ZMYM2: variants seen among roughly 807,000 people sequenced by gnomAD.
The protein encoded by ZMYM2 is zinc finger MYM-type containing 2, also known as zinc finger MYM-type protein 2.
In ZMYM2, 56 loss-of-function variants were observed where a neutral mutation model predicts 162.8. That is an observed-to-expected ratio of 0.34 (90% confidence interval 0.28 to 0.43). The LOEUF (loss-of-function observed/expected upper bound fraction) is 0.43. Ranked by LOEUF, ZMYM2 falls within the 20% of genes least tolerant of loss-of-function variation. ZMYM2 has a pLI of 1.00. For synonymous variants in ZMYM2, 510 were observed against 541.6 expected, an observed-to-expected ratio of 0.94 and a Z score of 0.81; for missense variants, 1,275 against 1,621.8, an observed-to-expected ratio of 0.79 and a Z score of 3.67.
intron 6 of ZMYM2, among the ~76,000 whole-genome samples, chr13:20,015,417 G>A (rs937747775): frequency 2.6e-5 from 4 of 152,140 alleles, no homozygotes; most frequent in African/African-American, 9.7e-5. Flanking sequence ...TGAGAAGAAT[G>A]TTTATTCTAC....
At chr13:19,946,405 A>G in the ZMYM2 span, among the ~76,000 whole-genome samples, 2 of 152,120 alleles carry the variant, frequency 1.3e-5, no homozygotes, top group South Asian at 2.1e-4. Context: ...GAGAAGTTTA[A>G]TTCTTGATTT....
At chr13:20,064,719 A>G (rs555403868) in intron 19 of ZMYM2, among the ~76,000 whole-genome samples, 174 bp downstream of exon 19, 1 of 150,818 alleles carries the variant, frequency 6.6e-6, no homozygotes, top group African/African-American at 2.4e-5. Flanking sequence ...ATTTATTACT[A>G]TTATTTATTA....
At chr13:19,907,946 C>T in the ZMYM2 span, among the ~76,000 whole-genome samples, 1 of 152,040 alleles carries the variant, frequency 6.6e-6, no homozygotes, top group African/African-American at 2.4e-5. Context: ...TCTTTCTTCA[C>T]ACTTGATTTG....
At chr13:20,014,882 C>T (rs141518669) in intron 6 of ZMYM2, among the ~76,000 whole-genome samples, 2,706 of 150,650 alleles carry the variant, frequency 0.018, 39 homozygotes, top group Middle Eastern at 0.051. Context: ...ATCCTGCATC[C>T]GCCTCCTGAG....
chr13:19,960,033 C>T lies in ZMYM2; in HGVS notation c.-11+7C>T, dbSNP rs572883121. 1 of 152,428 alleles carries T rather than the reference C, an allele frequency of 6.6e-6. No homozygotes were observed. The highest frequency in any genetic ancestry group is 6.5e-5 in the Admixed American group (1 of 15,302). The allele number at this position is 152,428 out of a possible 1,614,324, so 9.4% of individuals were successfully genotyped here. A position where few individuals can be genotyped will look rare whatever the true frequency, so the allele number is the denominator to read the frequency against. ...GGAGGAAAACACCCCCATTGTGAGTCCTTTGCCCCTAATTTGTTGCTAATA... is the reference window on the plus strand; with the variant it reads ...GGAGGAAAACACCCCCATTGTGAGTTCTTTGCCCCTAATTTGTTGCTAATA... On this transcript the variant is annotated splice_region_variant and intron_variant, in intron 2 of 24. Transcript: ENST00000610343.
intron 4 of ZMYM2, among the ~76,000 whole-genome samples, chr13:20,004,518 G>A (rs977406884): frequency 2.0e-5 from 3 of 152,198 alleles, no homozygotes; most frequent in African/African-American, 7.2e-5. Flanking sequence ...GCCTCCCAAA[G>A]TGCTGGGATT....
At chr13:19,967,427 A>G (rs566699863) in intron 2 of ZMYM2, among the ~76,000 whole-genome samples, 2 of 152,324 alleles carry the variant, frequency 1.3e-5, no homozygotes, top group East Asian at 1.9e-4. Flanking sequence ...GTAGCATGAC[A>G]TGAGTTGGAG....
the ZMYM2 span, among the ~76,000 whole-genome samples, chr13:19,906,297 T>TATATATATATAC: frequency 8.9e-5 from 9 of 100,714 alleles, no homozygotes; most frequent in African/African-American, 3.4e-4. Context: ...TATATATATA[T>TATATATATATAC]ATATATATAT....
intron 11 of ZMYM2, among the ~76,000 whole-genome samples, chr13:20,035,114 G>A (rs1436978702): frequency 6.6e-6 from 1 of 152,078 alleles, no homozygotes; most frequent in African/African-American, 2.4e-5. Context: ...CAGCTTTCCT[G>A]TCTGCTATCT....
chr13:20,057,611 G>A (rs929352212), intron 14 of ZMYM2, among the ~76,000 whole-genome samples: 32 of 152,170 alleles, frequency 2.1e-4, no homozygotes, highest in African/African-American at 4.6e-4. Context: ...TACAGTATGC[G>A]TGTGCATTAT....
At chr13:19,998,510 G>A (rs558728408) in intron 3 of ZMYM2, among the ~76,000 whole-genome samples, 2 of 152,074 alleles carry the variant, frequency 1.3e-5, no homozygotes, top group Non-Finnish European at 2.9e-5. Flanking sequence ...CATAATTTTT[G>A]ATTGGAGGCC....
Position 20,051,255 on chromosome 13 carries a change from A to AT in ZMYM2, c.2293-161dup, listed in dbSNP as rs1555319992. Among the ~76,000 whole-genome samples, 187 of 133,804 alleles carry AT rather than the reference A, an allele frequency of 1.4e-3. 3 individuals carry two copies. The highest frequency in any genetic ancestry group is 4.9e-3 in the African/African-American group (174 of 35,834). The allele number at this position is 133,804 out of a possible 152,430, so 87.8% of individuals were successfully genotyped here. A position where few individuals can be genotyped will look rare whatever the true frequency, so the allele number is the denominator to read the frequency against. On this transcript the variant is annotated intron_variant, in intron 12 of 24. Transcript: ENST00000610343. ...TGGACTTTGTCAACTGTGAAATTGT[A>AT]TTTTTTTTTTTTTTTTTCATTTATT...
intron 12 of ZMYM2, among the ~76,000 whole-genome samples, chr13:20,044,409 C>T (rs992224993): frequency 6.6e-6 from 1 of 152,144 alleles, no homozygotes; most frequent in Non-Finnish European, 1.5e-5. Flanking sequence ...CCCCATGCAG[C>T]GTTCCCAGAT....
At chr13:19,913,728 C>G in the ZMYM2 span, among the ~76,000 whole-genome samples, 1 of 152,150 alleles carries the variant, frequency 6.6e-6, no homozygotes, top group Non-Finnish European at 1.5e-5. Context: ...AAGACTCTGT[C>G]TCAAAAACAA....
At chr13:20,034,091 C>T (rs1450237008) in intron 10 of ZMYM2, among the ~76,000 whole-genome samples, 163 bp from the exon 11 acceptor site, 1 of 152,134 alleles carries the variant, frequency 6.6e-6, no homozygotes, top group African/African-American at 2.4e-5. Flanking sequence ...TTAAATTTGG[C>T]AGTGAATTGG....
At chr13:19,959,328 G>A (rs1162681884) in intron 1 of ZMYM2, among the ~76,000 whole-genome samples, 1 of 152,108 alleles carries the variant, frequency 6.6e-6, no homozygotes, top group South Asian at 2.1e-4. Context: ...CACCGGAGCC[G>A]AGGTCCCCAA....
At chr13:19,922,511 C>T in the ZMYM2 span, among the ~76,000 whole-genome samples, 1 of 152,252 alleles carries the variant, frequency 6.6e-6, no homozygotes, top group East Asian at 1.9e-4. Flanking sequence ...GATAAGAGCT[C>T]TTTTCTCAAT....
chr13:19,997,687 AT>A (rs1412302538), intron 3 of ZMYM2, among the ~76,000 whole-genome samples: 1 of 152,018 alleles, frequency 6.6e-6, no homozygotes, highest in East Asian at 1.9e-4. Context: ...TAAAATAGCT[AT>A]TTTTTCTTTC....
Position 20,086,775 on chromosome 13 carries a change from A to G in ZMYM2, c.*761A>G, listed in dbSNP as rs865894496. ...TATATGTATGTATGTGTGTGTGTAT[A>G]TATATATATATATATATATATATAA... On this transcript the variant is annotated 3_prime_UTR_variant, in exon 25 of 25. Transcript: ENST00000610343. The G allele has an allele frequency of 2.1e-3, 303 of 145,072 alleles. 2 individuals are homozygous for G. Among genetic ancestry groups the G allele is most frequent in the African/African-American group, 3.3e-3 (128 of 39,174 alleles). The allele number at this position is 145,072 out of a possible 1,614,324, so 9.0% of individuals were successfully genotyped here.
Sources: allele counts gnomAD v4.1 joint callset (sites outside exome capture counted in the v4.1 genomes callset), GRCh38; gene constraint gnomAD v4.1.1; transcripts MANE v1.5; gene names NCBI Gene and HGNC (gene_info 2026-07-23, HGNC 2026-07-21).